ATF7IP2: variants seen among roughly 807,000 people sequenced by gnomAD.
The protein encoded by ATF7IP2 is activating transcription factor 7-interacting protein 2.
A neutral mutation model predicts 64.2 loss-of-function variants in ATF7IP2; 42 were observed. The observed-to-expected ratio is 0.65, with a 90% confidence interval of 0.51 to 0.85. The LOEUF (loss-of-function observed/expected upper bound fraction) is 0.85, where lower values mean the gene tolerates loss of function less well. ATF7IP2 is among the 40% of genes least tolerant of loss of function. The pLI is 0.00. For missense variants in ATF7IP2, 933 were observed against 784.2 expected, an observed-to-expected ratio of 1.19 and a Z score of -2.27; for synonymous variants, 308 against 272.8, an observed-to-expected ratio of 1.13 and a Z score of -1.27.
chr16:10,461,947 C>T (rs1401846983), intron 9 of ATF7IP2, among the ~76,000 whole-genome samples: 1 of 151,986 alleles, frequency 6.6e-6, no homozygotes, highest in African/African-American at 2.4e-5. Context: ...ATCTTACTAC[C>T]TGTTTTCTGT....
rs750826428 is a variant in ATF7IP2, at chr16:10,482,262, A to AATG, written c.*16_*18dup. On this transcript the variant is annotated 3_prime_UTR_variant, in exon 14 of 14. Coordinates refer to ENST00000562102, the MANE Select transcript of ATF7IP2 (RefSeq NM_001393719.1). ...AAATCTTACGTAAAAGGTGTTTAAT[A>AATG]ATGATATACTACTTTTTTTTTCATA... The AATG allele has an allele frequency of 1.3e-6, 2 of 1,525,756 alleles. No homozygotes were observed. The highest frequency in any genetic ancestry group is 1.2e-5 in the South Asian group (1 of 80,890). 94.5% of individuals were successfully genotyped at this position (1,525,756 alleles called of 1,614,324 possible).
chr16:10,476,308 T>G (rs1163649808), intron 12 of ATF7IP2, among the ~76,000 whole-genome samples: 1 of 152,096 alleles, frequency 6.6e-6, no homozygotes, highest in African/African-American at 2.4e-5. Context: ...AAAAGAAAAA[T>G]ATAAGTAAAA....
intron 1 of ATF7IP2, among the ~76,000 whole-genome samples, chr16:10,404,583 G>A (rs1207215830): frequency 1.3e-5 from 2 of 152,034 alleles, no homozygotes; most frequent in Non-Finnish European, 2.9e-5. Context: ...TCACTGTGTT[G>A]CCCAGGATAG....
chr16:10,423,101 A>G (rs1009857329), intron 3 of ATF7IP2, among the ~76,000 whole-genome samples: 4 of 152,144 alleles, frequency 2.6e-5, no homozygotes, highest in African/African-American at 9.7e-5. Context: ...AAAATTAGCC[A>G]GGCGTGGTGG....
At chr16:10,406,264 C>T (rs2047637631) in intron 1 of ATF7IP2, among the ~76,000 whole-genome samples, 1 of 152,124 alleles carries the variant, frequency 6.6e-6, no homozygotes, top group South Asian at 2.1e-4. Flanking sequence ...GCACCACCAC[C>T]CTTAACTAAT....
intron 3 of ATF7IP2, among the ~76,000 whole-genome samples, chr16:10,426,837 G>A (rs1200009874): frequency 6.6e-6 from 1 of 151,796 alleles, no homozygotes; most frequent in Non-Finnish European, 1.5e-5. Context: ...ATATGTTTTT[G>A]GTTTTTGGTT....
chr16:10,454,522 T>A, intron 8 of ATF7IP2, among the ~76,000 whole-genome samples: 1 of 151,990 alleles, frequency 6.6e-6, no homozygotes, highest in East Asian at 1.9e-4. Flanking sequence ...ATATTTATTA[T>A]TTTTCCTTCT....
chr16:10,387,824 T>TCCCCCCCCCCCC (rs5815573), intron 1 of ATF7IP2: 32 of 130,566 alleles, frequency 2.5e-4, no homozygotes, highest in Admixed American at 5.0e-4. Flanking sequence ...TCTATTTTAC[T>TCCCCCCCCCCCC]CCCCCCCCCT....
chr16:10,394,005 G>T (rs770706988), intron 1 of ATF7IP2, among the ~76,000 whole-genome samples: 3 of 152,288 alleles, frequency 2.0e-5, no homozygotes, highest in Admixed American at 6.5e-5. Flanking sequence ...TCTCAGCACT[G>T]TGCATGATAG....
In ATF7IP2 at chr16:10,429,725, ATTTTATTTAT is replaced by A. The variant is rs1596485678; in HGVS notation, c.-11+713_-11+722del. 3.1e-5 allele frequency among the ~76,000 whole-genome samples: 4 copies of A among 128,558 alleles called. No homozygotes were observed. In the East Asian group the frequency reaches 9.2e-4, roughly 30 times the overall value. The allele number at this position is 128,558 out of a possible 152,430, so 84.3% of individuals were successfully genotyped here. On this transcript the variant is annotated intron_variant, in intron 4 of 13. Transcript: ENST00000562102. ...ATTTTATTTTATTTTATTTTATTTT[ATTTTATTTAT>A]TTTATTTTATTTATTTTATTTTATT...
chr16:10,420,197 A>G (rs182230082), intron 3 of ATF7IP2, among the ~76,000 whole-genome samples: 1 of 152,352 alleles, frequency 6.6e-6, no homozygotes, highest in East Asian at 1.9e-4. Context: ...GGCATTGTCC[A>G]TTTTAATAGA....
chr16:10,480,178 C>G (rs9929371), intron 12 of ATF7IP2, among the ~76,000 whole-genome samples: 90,847 of 151,048 alleles, frequency 0.6, 27,524 homozygotes, highest in African/African-American at 0.69. Context: ...GTAGAGACAG[C>G]ATTCTACCAT....
intron 9 of ATF7IP2, among the ~76,000 whole-genome samples, chr16:10,467,470 GC>G (rs2049620173): frequency 6.6e-6 from 1 of 152,070 alleles, no homozygotes; most frequent in Non-Finnish European, 1.5e-5. Context: ...GAAAAATACA[GC>G]TATCAGTCTT....
intron 3 of ATF7IP2, among the ~76,000 whole-genome samples, chr16:10,425,766 G>A (rs555784125): frequency 1.4e-4 from 21 of 152,004 alleles, no homozygotes; most frequent in African/African-American, 4.8e-4. Flanking sequence ...GGTGCCACAC[G>A]CCTATAATCC....
intron 12 of ATF7IP2, 117 bp downstream of exon 12, chr16:10,474,106 C>G (rs1179143267): frequency 1.2e-5 from 8 of 665,684 alleles, no homozygotes; most frequent in East Asian, 5.5e-5. Flanking sequence ...ATGTTTATAT[C>G]TCTGTGCAGT....
At chr16:10,387,824 T>TCCCCCCCCCCCCCCCCC (rs5815573) in intron 1 of ATF7IP2, 25 of 130,578 alleles carry the variant, frequency 1.9e-4, no homozygotes, top group African/African-American at 3.0e-4. Flanking sequence ...TCTATTTTAC[T>TCCCCCCCCCCCCCCCCC]CCCCCCCCCT....
At chr16:10,418,626 C>G (rs906846813) in intron 2 of ATF7IP2, among the ~76,000 whole-genome samples, 1 of 152,216 alleles carries the variant, frequency 6.6e-6, no homozygotes, top group South Asian at 2.1e-4. Context: ...GCAGCTCCTT[C>G]AAGCACTCCA....
chr16:10,434,567 C>G (rs1048847138), intron 6 of ATF7IP2, among the ~76,000 whole-genome samples: 9 of 152,042 alleles, frequency 5.9e-5, no homozygotes, highest in Non-Finnish European at 1.0e-4. Context: ...TACGCAGAAC[C>G]AGCTTAAAGG....
At chr16:10,438,573 G>A (rs1012228999) in intron 7 of ATF7IP2, among the ~76,000 whole-genome samples, 15 of 151,994 alleles carry the variant, frequency 9.9e-5, no homozygotes, top group African/African-American at 3.6e-4. Flanking sequence ...CTTTTAAAAA[G>A]AAGAATTTGG....
Sources: allele counts gnomAD v4.1 joint callset (sites outside exome capture counted in the v4.1 genomes callset), GRCh38; gene constraint gnomAD v4.1.1; transcripts MANE v1.5; gene names NCBI Gene and HGNC (gene_info 2026-07-23, HGNC 2026-07-21).